ARK2C: variants seen among roughly 807,000 people sequenced by gnomAD.
ARK2C encodes arkadia (RNF111) C-terminal like ring finger ubiquitin ligase 2C, also known as E3 ubiquitin-protein ligase ARK2C.
chr18:46,358,565 C>T, the ARK2C span, among the ~76,000 whole-genome samples: 1 of 152,158 alleles, frequency 6.6e-6, no homozygotes, highest in Non-Finnish European at 1.5e-5. Context: ...TGTGACCTTC[C>T]TCAACTCCTG....
chr18:46,400,027 C>A, the ARK2C span, among the ~76,000 whole-genome samples: 1 of 152,168 alleles, frequency 6.6e-6, no homozygotes, highest in Non-Finnish European at 1.5e-5. Context: ...TCTTCAGCCT[C>A]TGGGCCCCTG....
chr18:46,371,356 G>A, the ARK2C span, among the ~76,000 whole-genome samples: 1 of 152,152 alleles, frequency 6.6e-6, no homozygotes, highest in Non-Finnish European at 1.5e-5. Context: ...GGGTCACGGG[G>A]TCTGATAAGG....
the ARK2C span, chr18:46,433,254 C>T: frequency 1.2e-6 from 2 of 1,609,098 alleles, no homozygotes; most frequent in South Asian, 1.1e-5. Context: ...ACCTGGGCCC[C>T]CCGCAGCCGC....
chr18:46,391,175 C>G, the ARK2C span, among the ~76,000 whole-genome samples: 17,633 of 152,192 alleles, frequency 0.12, 1,134 homozygotes, highest in East Asian at 0.19. Flanking sequence ...TCATCACTTA[C>G]AGTTTACAGG....
chr18:46,410,618 T>C, the ARK2C span, among the ~76,000 whole-genome samples: 1 of 152,240 alleles, frequency 6.6e-6, no homozygotes, highest in African/African-American at 2.4e-5. Context: ...CCTGGAGCCA[T>C]GCCCAGAAAC....
the ARK2C span, among the ~76,000 whole-genome samples, chr18:46,390,332 C>T: frequency 3.9e-5 from 6 of 152,212 alleles, no homozygotes; most frequent in East Asian, 1.9e-4. Flanking sequence ...TCTTCCTGCC[C>T]GCTGGGTGTT....
At chr18:46,421,835 A>C in the ARK2C span, among the ~76,000 whole-genome samples, 1 of 152,174 alleles carries the variant, frequency 6.6e-6, no homozygotes, top group Non-Finnish European at 1.5e-5. Context: ...GCAGGAATTC[A>C]GTTCCTTGGA....
the ARK2C span, chr18:46,335,819 G>GT: frequency 2.1e-6 from 2 of 931,428 alleles, no homozygotes; most frequent in African/African-American, 1.8e-5. Flanking sequence ...TTGAACCGCA[G>GT]TTTTTTGTGT....
the ARK2C span, among the ~76,000 whole-genome samples, chr18:46,397,013 G>T: frequency 6.6e-6 from 1 of 152,212 alleles, no homozygotes; most frequent in Non-Finnish European, 1.5e-5. Flanking sequence ...CTCAGTGCTG[G>T]CTGTGCGAGC....
At chr18:46,427,800 A>G in the ARK2C span, among the ~76,000 whole-genome samples, 3 of 152,234 alleles carry the variant, frequency 2.0e-5, no homozygotes, top group Non-Finnish European at 4.4e-5. Flanking sequence ...GTGAAGAGAC[A>G]GCTCAAGGTA....
the ARK2C span, among the ~76,000 whole-genome samples, chr18:46,383,772 T>C: frequency 6.6e-6 from 1 of 151,694 alleles, no homozygotes. Flanking sequence ...GCCAGGATGG[T>C]CTTGATCTGA....
At chr18:46,343,967 GA>G in the ARK2C span, among the ~76,000 whole-genome samples, 1 of 152,216 alleles carries the variant, frequency 6.6e-6, no homozygotes, top group African/African-American at 2.4e-5. Flanking sequence ...CACTGAGCGG[GA>G]CATTCCCCCG....
chr18:46,354,442 A>C, the ARK2C span, among the ~76,000 whole-genome samples: 1 of 152,252 alleles, frequency 6.6e-6, no homozygotes. Context: ...TGGAGAACAC[A>C]TGATCAGGGC....
the ARK2C span, among the ~76,000 whole-genome samples, chr18:46,378,137 C>T: frequency 6.6e-6 from 1 of 152,180 alleles, no homozygotes; most frequent in Non-Finnish European, 1.5e-5. Context: ...ATGCAGGTTC[C>T]ATTAATGCTC....
the ARK2C span, among the ~76,000 whole-genome samples, chr18:46,360,763 C>T: frequency 6.6e-6 from 1 of 152,212 alleles, no homozygotes; most frequent in Admixed American, 6.5e-5. Context: ...TACGCCTGGG[C>T]ACACGAGGCG....
the ARK2C span, among the ~76,000 whole-genome samples, chr18:46,438,376 C>T: frequency 3.3e-5 from 5 of 152,356 alleles, no homozygotes; most frequent in East Asian, 1.9e-4. Context: ...CATGAGAGCC[C>T]ACCCAGGCCC....
chr18:46,336,514 G>C, the ARK2C span: 3 of 985,410 alleles, frequency 3.0e-6, no homozygotes, highest in East Asian at 2.3e-4. Context: ...AATGTGATAA[G>C]AGTTCATGAC....
At chr18:46,419,049 C>A in the ARK2C span, among the ~76,000 whole-genome samples, 1 of 152,190 alleles carries the variant, frequency 6.6e-6, no homozygotes, top group Non-Finnish European at 1.5e-5. Context: ...CTAGTGGGAA[C>A]GCTATTACTG....
At chr18:46,433,242 C>T in the ARK2C span, 63 of 1,606,770 alleles carry the variant, frequency 3.9e-5, no homozygotes, top group Middle Eastern at 1.7e-4. Context: ...GCCGCCACTT[C>T]CACCTGGGCC....
Sources: allele counts gnomAD v4.1 joint callset (sites outside exome capture counted in the v4.1 genomes callset), GRCh38; gene constraint gnomAD v4.1.1; transcripts MANE v1.5; gene names NCBI Gene and HGNC (gene_info 2026-07-23, HGNC 2026-07-21).